The following SUN3 variants were observed in gnomAD, a reference collection of about 807,000 sequenced individuals.
SUN3 encodes the protein SUN domain-containing protein 3.
In SUN3, 36 loss-of-function variants were observed where a neutral mutation model predicts 48.2. The ratio of observed to expected loss-of-function variants is 0.75; its 90% CI spans 0.57 to 0.99. SUN3 has a LOEUF of 0.99. SUN3 is among the 50% of genes least tolerant of loss of function. The probability of loss-of-function intolerance (pLI) is 0.00; values close to 1 mark genes in which losing one functional copy is unlikely to be tolerated. For synonymous variants in SUN3, 148 were observed against 147.9 expected (o/e 1.00, Z 0.00); for missense variants, 419 against 433.1 (o/e 0.97, Z 0.29).
chr7:48,007,135 C>T, intron 5 of SUN3, 30 bp downstream of exon 5: 1 of 1,594,678 alleles, frequency 6.3e-7, no homozygotes, highest in African/African-American at 1.3e-5. Context: ...CCACCCCACC[C>T]TGCCCAACCC....
In SUN3 at chr7:48,025,868, A is replaced by G; in HGVS notation, c.184+9T>C. On this transcript the variant is annotated intron_variant, in intron 2 of 9. Coordinates refer to ENST00000297325, the MANE Select transcript of SUN3 (RefSeq NM_001030019.2). ...ATGGTTTTAAGGATCATTACTTAGG[A>G]AGACTTACCTACAAGAAGAAAAGTC... 1 of 1,577,818 alleles carries G rather than the reference A, an allele frequency of 6.3e-7. No homozygotes were observed. Among genetic ancestry groups the G allele is most frequent in the Middle Eastern group, 1.7e-4 (1 of 5,996 alleles).
the SUN3 span, among the ~76,000 whole-genome samples, chr7:48,034,145 C>T: frequency 6.6e-6 from 1 of 152,194 alleles, no homozygotes; most frequent in Non-Finnish European, 1.5e-5. Flanking sequence ...ATTTGTCATG[C>T]TTGGCAATAA....
upstream of SUN3, among the ~76,000 whole-genome samples, chr7:48,030,406 A>G (rs138268672): frequency 2.4e-3 from 366 of 152,298 alleles, no homozygotes; most frequent in African/African-American, 8.3e-3. Context: ...TTTAGCATCT[A>G]TGCTACCATT....
intron 6 of SUN3, among the ~76,000 whole-genome samples, chr7:48,004,501 G>C (rs192640451): frequency 6.6e-5 from 10 of 152,266 alleles, no homozygotes; most frequent in Admixed American, 4.6e-4. Flanking sequence ...TTACATCATT[G>C]CCAAATTCTC....
intron 1 of SUN3, among the ~76,000 whole-genome samples, chr7:48,026,355 A>G (rs1356002126): frequency 6.6e-6 from 1 of 152,222 alleles, no homozygotes; most frequent in Non-Finnish European, 1.5e-5. Context: ...AAGCTAAAGA[A>G]CTATGACAGT....
chr7:48,002,334 A>AT (rs1789405815), intron 6 of SUN3, among the ~76,000 whole-genome samples: 2 of 143,412 alleles, frequency 1.4e-5, no homozygotes, highest in African/African-American at 3.0e-5. Context: ...AATTTTTTGT[A>AT]TTTTTAGTAG....
In SUN3 at chr7:48,028,879, G is replaced by T; in HGVS notation, c.60C>A (p.Asp20Glu). The T allele has an allele frequency of 6.2e-7, 1 of 1,613,910 alleles. No individual in the cohort carries two copies. The highest frequency in any genetic ancestry group is 8.5e-7 in the Non-Finnish European group (1 of 1,179,850). Reference sequence around the variant, plus strand: ...CATTGCCACTGGCGCTACCGCTGGCGTCTTCAGAGCAACGTCTAAAAAACA... The same window carrying T: ...CATTGCCACTGGCGCTACCGCTGGCTTCTTCAGAGCAACGTCTAAAAAACA... ...AAMFFRRCSE[D>E]ASGSASGNAL... is the part of the protein sequence containing the mutation. Residue 20 changes from aspartate (D) to glutamate (E), a missense_variant, in exon 1 of 10, where the codon GAC (aspartate) becomes GAA (glutamate). Asp to Glu is a conservative substitution (Grantham distance 45). Coordinates refer to ENST00000297325, the MANE Select transcript of SUN3 (RefSeq NM_001030019.2).
At chr7:48,032,869 A>C (rs1034758196), upstream of SUN3, among the ~76,000 whole-genome samples, 3 of 152,224 alleles carry the variant, frequency 2.0e-5, no homozygotes, top group African/African-American at 7.2e-5. Flanking sequence ...TGAAAGTTTA[A>C]ATAAACTAGC....
chr7:48,028,692 AT>A (rs1189304203), intron 1 of SUN3, 124 bp downstream of exon 1: 2 of 1,290,768 alleles, frequency 1.5e-6, no homozygotes, highest in Admixed American at 4.6e-5. Context: ...ACTATTGAAA[AT>A]GATTTTCTCT....
At chr7:48,035,833 C>G in the SUN3 span, among the ~76,000 whole-genome samples, 268 of 152,326 alleles carry the variant, frequency 1.8e-3, no homozygotes, top group Non-Finnish European at 3.4e-3. This position sits in a 1 kb window ranked among gnomAD's most constrained non-coding sequence, Gnocchi z 4.0. Flanking sequence ...TGCTTATCCT[C>G]TCTGTACTTG....
chr7:48,022,344 A>G lies in SUN3; in HGVS notation c.184+3533T>C, dbSNP rs558854835. ...AAAATAGAAAGAATAAATAAGACGT[A>G]CTATTTGACAACACAATGGGTGACT... On this transcript the variant is annotated intron_variant, in intron 2 of 9. Transcript: ENST00000297325. Among the ~76,000 whole-genome samples the G allele has an allele frequency of 2.6e-5, 4 of 152,168 alleles. No homozygotes were observed. The South Asian group carries it at 8.3e-4, about 32-fold the overall frequency.
chr7:48,009,082 AC>A lies in SUN3; in HGVS notation c.289-8del, dbSNP rs1789611150. ...TAGGCATACGAAGTCTGGCCTGAAA[AC>A]AACAGAAAAAGATAAATCATTCTGA... On this transcript the variant is annotated splice_region_variant and splice_polypyrimidine_tract_variant and intron_variant, in intron 3 of 9. Coordinates refer to ENST00000297325, the MANE Select transcript of SUN3 (RefSeq NM_001030019.2). The A allele has an allele frequency of 6.2e-6, 10 of 1,610,440 alleles. No individual in the cohort carries two copies. Among genetic ancestry groups the A allele is most frequent in the Middle Eastern group, 3.4e-4 (2 of 5,934 alleles).
chr7:47,991,600 A>C (rs919929258), intron 8 of SUN3, among the ~76,000 whole-genome samples: 3 of 50,218 alleles, frequency 6.0e-5, no homozygotes, highest in Admixed American at 1.8e-4. Context: ...AAACCAAAAA[A>C]CAAAACAAAA....
At position 48,012,898 on chromosome 7, in the gene SUN3, G is replaced by A. The variant is rs537025792; in HGVS notation, c.289-3823C>T. On this transcript the variant is annotated intron_variant, in intron 3 of 9. Transcript: ENST00000297325. ...GAAGGAAGTAGTTTAGGCCCTTTTC[G>A]CCCTTTGACCTCCTACCACGTGAAG... Among the ~76,000 whole-genome samples the A allele has an allele frequency of 1.5e-3, 234 of 152,196 alleles. 1 individual carries two copies. Among genetic ancestry groups the A allele is most frequent in the African/African-American group, 5.2e-3 (216 of 41,528 alleles).
At chr7:48,017,193 GT>G (rs1789835831) in intron 3 of SUN3, 68 bp downstream of exon 3, 1 of 746,896 alleles carries the variant, frequency 1.3e-6, no homozygotes, top group Admixed American at 2.9e-5. Flanking sequence ...CATATTGAAA[GT>G]TGAACTAGCC....
chr7:47,999,433 C>T (rs1032243260), intron 6 of SUN3, among the ~76,000 whole-genome samples: 1 of 152,020 alleles, frequency 6.6e-6, no homozygotes, highest in Admixed American at 6.6e-5. Flanking sequence ...AATTTGCATG[C>T]CTTTTCCCCT....
intron 2 of SUN3, among the ~76,000 whole-genome samples, chr7:48,021,927 C>A (rs144238013): frequency 1.1e-3 from 166 of 152,176 alleles, no homozygotes; most frequent in Non-Finnish European, 1.7e-3. Flanking sequence ...TGGGCATATA[C>A]CCAAGATAAA....
chr7:48,032,734 T>A (rs1790270459), upstream of SUN3, among the ~76,000 whole-genome samples: 1 of 152,208 alleles, frequency 6.6e-6, no homozygotes. Flanking sequence ...AAGACTGAGC[T>A]CACAGAGGTG....
upstream of SUN3, among the ~76,000 whole-genome samples, chr7:48,031,336 C>T (rs1248580442): frequency 1.3e-5 from 2 of 152,114 alleles, no homozygotes; most frequent in African/African-American, 4.8e-5. Flanking sequence ...AATGAGATAT[C>T]ACCTCACAGC....
Sources: gnomAD v4.1 joint callset for allele counts (sites outside exome capture counted in the v4.1 genomes callset) on GRCh38, gnomAD v4.1.1 for gene constraint, Gnocchi (gnomAD v3.1) non-coding constraint, MANE v1.5 for transcripts, NCBI Gene and HGNC (gene_info 2026-07-23, HGNC 2026-07-21) for gene names.